Variants in SLC5A4 observed in about 807,000 individuals in gnomAD.
SLC5A4 encodes the protein solute carrier family 5 member 4.
In SLC5A4, 55 loss-of-function variants were observed where a neutral mutation model predicts 70.3. The ratio of observed to expected loss-of-function variants is 0.78; its 90% confidence interval spans 0.63 to 0.98. SLC5A4 has a LOEUF of 0.98. Among genes scored for constraint, SLC5A4 ranks in the 50% least tolerant of loss-of-function variants. SLC5A4 has a pLI of 0.00. For missense variants in SLC5A4, 735 were observed against 839.2 expected, an observed-to-expected ratio of 0.88 and a Z score of 1.53; for synonymous variants, 268 against 305.7, an observed-to-expected ratio of 0.88 and a Z score of 1.29.
At position 32,224,110 on chromosome 22, in the gene SLC5A4, C is replaced by T. The variant is rs567086189; in HGVS notation, c.1665+157G>A. Among the ~76,000 whole-genome samples the T allele has an allele frequency of 5.0e-3, 755 of 152,218 alleles. 4 individuals are homozygous for T. Among genetic ancestry groups the T allele is most frequent in the African/African-American group, 0.017 (708 of 41,542 alleles). On this transcript the variant is annotated intron_variant, in intron 13 of 14. Coordinates refer to ENST00000266086, the MANE Select transcript of SLC5A4 (RefSeq NM_014227.3). ...TAATTTTTTGTATTTTTAGTAGAGA[C>T]AAGGTTTCACCGTGTTAACCAGGAT...
rs568983262 is a variant in SLC5A4, at chr22:32,232,956, G to A, written c.964C>T (p.Leu322=). The change falls in exon 9 of 15, where the codon CTG becomes TTG. Residue 322 remains leucine, a synonymous_variant. Coordinates refer to ENST00000266086, the MANE Select transcript of SLC5A4 (RefSeq NM_014227.3). The part of the protein sequence containing the change: ...AACIMCAYLK[L]LPMFLMVMPG... ...ATCACCATGAGGAACATGGGCAGCA[G>A]CTTCAGGTAAGCACACATAATGCAA... is the stretch of plus-strand genomic sequence containing the variant. 2.3e-5 allele frequency: 37 copies of A among 1,614,194 alleles called. No individual in the cohort carries two copies. The South Asian group carries it at 2.3e-4, about 10-fold the overall frequency.
At chr22:32,269,106 C>CT in the SLC5A4 span, among the ~76,000 whole-genome samples, 2 of 152,110 alleles carry the variant, frequency 1.3e-5, no homozygotes, top group African/African-American at 4.8e-5. The surrounding 1 kb of genome is among the most constrained non-coding windows in gnomAD (Gnocchi z 4.1). Flanking sequence ...TTGGCCATGG[C>CT]GGTCTCGAAC....
At chr22:32,333,784 CACACCAT>C in the SLC5A4 span, among the ~76,000 whole-genome samples, 2 of 150,596 alleles carry the variant, frequency 1.3e-5, no homozygotes, top group African/African-American at 4.9e-5. Flanking sequence ...CATAAACACA[CACACCAT>C]GCCACACAGA....
At chr22:32,275,349 T>C in the SLC5A4 span, among the ~76,000 whole-genome samples, 18 of 152,202 alleles carry the variant, frequency 1.2e-4, no homozygotes, top group African/African-American at 4.3e-4. Context: ...GCATTAGGTA[T>C]ATCTCCTAAT....
the SLC5A4 span, among the ~76,000 whole-genome samples, chr22:32,281,028 GAAGGAA>G: frequency 2.6e-5 from 4 of 152,148 alleles, no homozygotes; most frequent in Non-Finnish European, 4.4e-5. Flanking sequence ...GAGCCACCCA[GAAGGAA>G]AAGGCTGTGG....
At chr22:32,259,980 G>C (rs5998352), upstream of SLC5A4, among the ~76,000 whole-genome samples, 14,417 of 152,248 alleles carry the variant, frequency 0.095, 987 homozygotes, top group African/African-American at 0.2. Context: ...TGCCTGCCCC[G>C]ACCCCAACCC....
chr22:32,271,279 A>G, the SLC5A4 span: 2 of 756,884 alleles, frequency 2.6e-6, no homozygotes, highest in Non-Finnish European at 4.7e-6. Flanking sequence ...TGGAGAGCCC[A>G]CCACACAGGG....
chr22:32,341,002 T>C, the SLC5A4 span, among the ~76,000 whole-genome samples: 1 of 152,014 alleles, frequency 6.6e-6, no homozygotes, highest in South Asian at 2.1e-4. Context: ...TCTGGCTTCA[T>C]TTTCAAGGTA....
At chr22:32,293,749 ACT>A in the SLC5A4 span, among the ~76,000 whole-genome samples, 15 of 152,022 alleles carry the variant, frequency 9.9e-5, no homozygotes, top group Non-Finnish European at 2.1e-4. Context: ...CATTTGTTTT[ACT>A]GTCTAAAGAA....
the SLC5A4 span, among the ~76,000 whole-genome samples, chr22:32,282,899 G>A: frequency 2.6e-5 from 4 of 152,156 alleles, no homozygotes; most frequent in African/African-American, 4.8e-5. Flanking sequence ...ACCCGGCCCC[G>A]TTTCCATCCT....
chr22:32,328,765 T>C, the SLC5A4 span, among the ~76,000 whole-genome samples: 2 of 152,232 alleles, frequency 1.3e-5, no homozygotes, highest in African/African-American at 4.8e-5. Context: ...GTGGGGTACC[T>C]TGTTACACAG....
chr22:32,307,094 G>A, the SLC5A4 span, among the ~76,000 whole-genome samples: 1 of 152,106 alleles, frequency 6.6e-6, no homozygotes, highest in African/African-American at 2.4e-5. Flanking sequence ...CATTCTCAGT[G>A]CAGTCTATGT....
At chr22:32,299,113 G>T in the SLC5A4 span, among the ~76,000 whole-genome samples, 1 of 116,740 alleles carries the variant, frequency 8.6e-6, no homozygotes, top group Non-Finnish European at 1.8e-5. Context: ...CAACTTTGGT[G>T]AATCTGACAA....
At chr22:32,321,498 G>A in the SLC5A4 span, among the ~76,000 whole-genome samples, 5 of 152,188 alleles carry the variant, frequency 3.3e-5, no homozygotes, top group Admixed American at 1.3e-4. Context: ...CGTGCAGGAC[G>A]TGCAGGTTTG....
At chr22:32,330,275 GGGCTCTGGTGT>G in the SLC5A4 span, among the ~76,000 whole-genome samples, 1 of 67,940 alleles carries the variant, frequency 1.5e-5, no homozygotes, top group Non-Finnish European at 2.7e-5. Flanking sequence ...GTGTGTTGGG[GGGCTCTGGTGT>G]ATATGTTGGG....
the SLC5A4 span, among the ~76,000 whole-genome samples, chr22:32,305,552 CTCTGGGCCCCAGGTGAGGTGGG>C: frequency 6.7e-6 from 1 of 148,636 alleles, no homozygotes; most frequent in Non-Finnish European, 1.5e-5. Context: ...TGTTGAGGGC[CTCTGGGCCCCAGGTGAGGTGGG>C]ACTGGGCTGC....
Position 32,237,312 on chromosome 22 carries a change from G to A in SLC5A4, c.596C>T (p.Ser199Leu), listed in dbSNP as rs746813718. The A allele has an allele frequency of 4.6e-5, 73 of 1,602,546 alleles. No individual in the cohort carries two copies. Among genetic ancestry groups the A allele is most frequent in the South Asian group, 6.7e-5 (6 of 88,946 alleles). Reference protein sequence around the residue: ...AVYTTTGGLASVIYTDTLQTI... With the variant: ...AVYTTTGGLALVIYTDTLQTI... ...CTGGAGGGTGTCTGTGTAAATCACC[G>A]AGGCCAAGCCCCCTAGTGAGAGAAA... Residue 199 changes from serine to leucine, a missense_variant, in exon 7 of 15, where the codon TCG (serine) becomes TTG (leucine). Ser to Leu is a moderately radical substitution (Grantham distance 145). Coordinates refer to ENST00000266086, the MANE Select transcript of SLC5A4 (RefSeq NM_014227.3).
chr22:32,305,447 C>T, the SLC5A4 span, among the ~76,000 whole-genome samples: 1 of 149,002 alleles, frequency 6.7e-6, no homozygotes, highest in Non-Finnish European at 1.5e-5. Context: ...TTTGAAGCAT[C>T]GGATGACGAG....
chr22:32,235,087 T>C lies in SLC5A4; in HGVS notation c.671A>G (p.Asn224Ser). The part of the protein sequence containing the change: ...GSFILMGFAF[N>S]EVGGYESFTE... ...AAAGCTCTCATAACCTCCAACTTCG[T>C]TAAATGCTAAAAAGGCATCAGAGTA... The change falls in exon 8 of 15, where the codon AAC becomes AGC. Residue 224 changes from asparagine to serine, a missense_variant. Transcript: ENST00000266086. 6.2e-7 allele frequency: 1 copy of C among 1,611,350 alleles called. No individual in the cohort carries two copies. Among genetic ancestry groups the C allele is most frequent in the Non-Finnish European group, 8.5e-7 (1 of 1,178,216 alleles).
Sources: gnomAD v4.1 joint callset for allele counts (sites outside exome capture counted in the v4.1 genomes callset) on GRCh38, gnomAD v4.1.1 for gene constraint, Gnocchi (gnomAD v3.1) non-coding constraint, MANE v1.5 for transcripts, NCBI Gene and HGNC (gene_info 2026-07-23, HGNC 2026-07-21) for gene names.